Variants in KIAA1755 observed in about 807,000 individuals in gnomAD.
KIAA1755 encodes KIAA1755.
A neutral mutation model predicts 91.7 loss-of-function variants in KIAA1755; 68 were observed. That is an observed-to-expected ratio of 0.74 (90% CI 0.61 to 0.91). The LOEUF is 0.91. Ranked by LOEUF, KIAA1755 falls within the 40% of genes least tolerant of loss-of-function variation. The pLI, the probability that KIAA1755 is intolerant of heterozygous loss-of-function variation, is 0.00. For missense variants in KIAA1755, 1,535 were observed against 1,494.4 expected, an observed-to-expected ratio of 1.03 and a Z score of -0.45; for synonymous variants, 610 against 604.6, an observed-to-expected ratio of 1.01 and a Z score of -0.13.
At chr20:38,217,497 G>C in intron 12 of KIAA1755, 23 bp from the exon 13 acceptor site, 1 of 1,546,478 alleles carries the variant, frequency 6.5e-7, no homozygotes, top group East Asian at 2.4e-5. Flanking sequence ...AGGAGGGGGC[G>C]CCCACTCAGC....
chr20:38,243,774 C>T (rs1166901595), intron 2 of KIAA1755, among the ~76,000 whole-genome samples: 1 of 152,216 alleles, frequency 6.6e-6, no homozygotes. Context: ...GGCTGCCATG[C>T]TCTTATTTCA....
intron 10 of KIAA1755, among the ~76,000 whole-genome samples, chr20:38,220,297 C>CTTTTTTTTTTTT (rs35575614): frequency 1.5e-5 from 2 of 134,400 alleles, no homozygotes; most frequent in Non-Finnish European, 1.6e-5. Context: ...TGATGTTTCC[C>CTTTTTTTTTTTT]TTTTTTTTTT....
At chr20:38,231,452 C>T in intron 4 of KIAA1755, 127 bp from the exon 5 acceptor site, 1 of 1,056,352 alleles carries the variant, frequency 9.5e-7, no homozygotes, top group Non-Finnish European at 1.3e-6. Context: ...TCTCCTTCTC[C>T]TTCTGTGAAC....
In KIAA1755 at chr20:38,241,809, G is replaced by A; in HGVS notation, c.322C>T (p.Gln108Ter). 1 of 1,614,196 alleles carries A rather than the reference G, an allele frequency of 6.2e-7. No homozygotes were observed. The highest frequency in any genetic ancestry group is 8.5e-7 in the Non-Finnish European group (1 of 1,180,024). ...GACTGCTCCTCCTGGGGCTCCACTT[G>A]GAGGTAGAAGTCACCCTGGCGCAAT... Reference protein sequence around the residue: ...LLLRQGDFYLQVEPQEEQSVC... With the variant: ...LLLRQGDFYL The change falls in exon 3 of 14, where the codon CAA becomes TAA. Residue 108 changes from glutamine to a stop codon, truncating the protein, a stop_gained. Transcript: ENST00000279024. LOFTEE classifies it high-confidence loss of function.
Position 38,217,297 on chromosome 20 carries a change from T to A in KIAA1755, c.2857A>T (p.Thr953Ser). The change falls in exon 13 of 14, where the codon ACG becomes TCG. Residue 953 changes from threonine to serine, a missense_variant. By Grantham distance (58) the Thr-to-Ser change is moderately conservative (BLOSUM62 1). Coordinates refer to ENST00000279024, the MANE Select transcript of KIAA1755 (RefSeq NM_001029864.2). ...HFYMAAERQR[T>S]DLETLLHLHR... ...AGGTGGAGCAGCGTCTCGAGGTCCG[T>A]GCGTTGCCGCTCGGCCGCCATGTAA... The A allele has an allele frequency of 6.2e-7, 1 of 1,608,238 alleles. No individual in the cohort carries two copies. The highest frequency in any genetic ancestry group is 8.5e-7 in the Non-Finnish European group (1 of 1,177,988).
intron 3 of KIAA1755, 69 bp from the exon 4 acceptor site, chr20:38,239,794 C>T: frequency 2.2e-6 from 3 of 1,334,388 alleles, no homozygotes; most frequent in South Asian, 2.4e-5. Context: ...GAAAACGTCT[C>T]CTCTTTCTCT....
intron 4 of KIAA1755, among the ~76,000 whole-genome samples, chr20:38,234,932 T>G (rs899165740): frequency 6.6e-6 from 1 of 152,172 alleles, no homozygotes; most frequent in African/African-American, 2.4e-5. Context: ...CTTGAAGCTG[T>G]GCTGTTCACA....
At chr20:38,225,335 C>A (rs1378747651) in intron 8 of KIAA1755, among the ~76,000 whole-genome samples, 2 of 152,158 alleles carry the variant, frequency 1.3e-5, no homozygotes, top group Admixed American at 6.6e-5. Flanking sequence ...ATAGACCTAG[C>A]TCTTTACCCG....
intron 1 of KIAA1755, among the ~76,000 whole-genome samples, chr20:38,259,634 T>C (rs1475430524): frequency 1.3e-5 from 2 of 151,516 alleles, no homozygotes; most frequent in Non-Finnish European, 2.9e-5. Context: ...ACATGGTTGG[T>C]CACAGTCACA....
At chr20:38,249,031 A>G (rs1278625040) in intron 1 of KIAA1755, among the ~76,000 whole-genome samples, 1 of 151,604 alleles carries the variant, frequency 6.6e-6, no homozygotes, top group Non-Finnish European at 1.5e-5. Context: ...ACCCACCACC[A>G]TGCCTAGCTA....
Position 38,260,689 on chromosome 20 carries a change from T to TGA in KIAA1755, c.-191_-190dup. On this transcript the variant is annotated 5_prime_UTR_variant, in exon 1 of 14. The change abolishes the stop of an existing upstream ORF in the 5' untranslated region. Coordinates refer to ENST00000279024, the MANE Select transcript of KIAA1755 (RefSeq NM_001029864.2). ...GGCCGGGGAGGACAGGGAGAGAGAC[T>TGA]GAGAGAGAGACAGAGAGGGACTGAG... is the stretch of plus-strand genomic sequence containing the variant. 1.9e-6 allele frequency: 1 copy of TGA among 536,832 alleles called. No homozygotes were observed. The highest frequency in any genetic ancestry group is 6.2e-5 in the South Asian group (1 of 16,236). 33.3% of individuals were successfully genotyped at this position (536,832 alleles called of 1,614,324 possible).
At position 38,260,630 on chromosome 20, in the gene KIAA1755, C is replaced by A; in HGVS notation, c.-130G>T. The A allele has an allele frequency of 8.8e-7, 1 of 1,134,552 alleles. No homozygotes were observed. The allele number at this position is 1,134,552 out of a possible 1,614,324, so 70.3% of individuals were successfully genotyped here. On this transcript the variant is annotated 5_prime_UTR_variant, in exon 1 of 14. Coordinates refer to ENST00000279024, the MANE Select transcript of KIAA1755 (RefSeq NM_001029864.2). ...CTGGAGCCAGGGGATAGGGCAGGCCCGGGGCACCGACCCCGGCGTCATCTC... is the reference window on the plus strand; with the variant it reads ...CTGGAGCCAGGGGATAGGGCAGGCCAGGGGCACCGACCCCGGCGTCATCTC...
chr20:38,260,174 C>A (rs1252942297), intron 1 of KIAA1755: 2 of 1,385,100 alleles, frequency 1.4e-6, no homozygotes, highest in Middle Eastern at 2.5e-4. Context: ...AACAAACATG[C>A]AAAACCACCC....
At chr20:38,249,129 C>A (rs1197747308) in intron 1 of KIAA1755, among the ~76,000 whole-genome samples, 1 of 152,164 alleles carries the variant, frequency 6.6e-6, no homozygotes, top group East Asian at 1.9e-4. Flanking sequence ...ACCCGTCTCG[C>A]CTTCCCAAAA....
intron 4 of KIAA1755, among the ~76,000 whole-genome samples, chr20:38,232,445 T>C (rs1489785588): frequency 2.6e-5 from 4 of 151,680 alleles, no homozygotes; most frequent in Non-Finnish European, 5.9e-5. Flanking sequence ...GCTAACATGG[T>C]GAAACCCCGT....
At chr20:38,222,907 G>C (rs751732930) in intron 9 of KIAA1755, 6 of 452,096 alleles carry the variant, frequency 1.3e-5, no homozygotes, top group Non-Finnish European at 1.6e-5. Context: ...ATCTCAAAGT[G>C]CAAATCTGAT....
At chr20:38,253,879 G>GCTTTT (rs546929259) in intron 1 of KIAA1755, among the ~76,000 whole-genome samples, 483 of 152,232 alleles carry the variant, frequency 3.2e-3, no homozygotes, top group Non-Finnish European at 4.8e-3. Flanking sequence ...TGTGGATTAA[G>GCTTTT]CTTTTCTTTT....
chr20:38,258,153 G>C (rs1265898400), intron 1 of KIAA1755, among the ~76,000 whole-genome samples: 1 of 151,958 alleles, frequency 6.6e-6, no homozygotes, highest in African/African-American at 2.4e-5. Context: ...CGCCAGCCTC[G>C]GCCTCCCAAA....
In KIAA1755 at chr20:38,222,583, GCAC is replaced by G. The variant is rs1158141977; in HGVS notation, c.2280_2282del (p.Arg760_Cys761delinsSer). ...CCATCAGCTCCTTGGACTTGCTCAG[GCAC>G]CTGGTAGCCTCCTGCCAGCGTAGGG... On this transcript the variant is annotated inframe_deletion, in exon 10 of 14. Coordinates refer to ENST00000279024, the MANE Select transcript of KIAA1755 (RefSeq NM_001029864.2). 1.9e-6 allele frequency: 3 copies of G among 1,612,296 alleles called. No homozygotes were observed. The Admixed American group carries it at 5.0e-5, about 27-fold the overall frequency.
Sources: allele counts gnomAD v4.1 joint callset (sites outside exome capture counted in the v4.1 genomes callset), GRCh38; gene constraint gnomAD v4.1.1; transcripts MANE v1.5; gene names NCBI Gene and HGNC (gene_info 2026-07-23, HGNC 2026-07-21).